The following BBIP1 variants were observed in gnomAD, a reference collection of about 807,000 sequenced individuals.
The protein encoded by BBIP1 is BBSome-interacting protein 1.
Under a neutral mutation model 8.9 loss-of-function variants are expected in BBIP1, and 6 were observed. The observed-to-expected ratio is 0.67, with a 90% CI of 0.37 to 1.33. The LOEUF is 1.33. Ranked by LOEUF, BBIP1 falls within the 40% of genes most tolerant of loss-of-function variation. The probability of loss-of-function intolerance (pLI) is 0.02; values close to 1 mark genes in which losing one functional copy is unlikely to be tolerated. For missense variants in BBIP1, 111 were observed against 109.2 expected, an observed-to-expected ratio of 1.02 and a Z score of -0.07; for synonymous variants, 32 against 33.4, an observed-to-expected ratio of 0.96 and a Z score of 0.14.
chr10:110,909,490 G>A (rs564060113), intron 2 of BBIP1, among the ~76,000 whole-genome samples: 32 of 152,288 alleles, frequency 2.1e-4, no homozygotes, highest in Non-Finnish European at 4.0e-4. Flanking sequence ...CACCGTGCCC[G>A]GCCAGAAAAG....
chr10:110,900,629 A>ACTGAAAAACTCTTGTAC (rs1425975457), intron 3 of BBIP1, 103 bp from the exon 4 acceptor site: 2 of 946,826 alleles, frequency 2.1e-6, no homozygotes, highest in Non-Finnish European at 3.0e-6. Flanking sequence ...ATCTCTTGTC[A>ACTGAAAAACTCTTGTAC]CTGAAAAACT....
intron 2 of BBIP1, among the ~76,000 whole-genome samples, chr10:110,915,594 AC>A (rs2049117976): frequency 6.6e-6 from 1 of 152,224 alleles, no homozygotes; most frequent in Non-Finnish European, 1.5e-5. Context: ...GAAGTTATTA[AC>A]TACCATAAAC....
intron 2 of BBIP1, among the ~76,000 whole-genome samples, chr10:110,917,194 ATTTTTT>A (rs67066048): frequency 4.5e-4 from 49 of 107,978 alleles, no homozygotes; most frequent in Non-Finnish European, 6.6e-4. Context: ...CTGGATCCTG[ATTTTTT>A]TTTTTTTTTT....
At chr10:110,904,368 G>A (rs1424431525) in intron 2 of BBIP1, 2 of 152,168 alleles carry the variant, frequency 1.3e-5, no homozygotes, top group African/African-American at 4.8e-5. Flanking sequence ...CCAGAAGGTG[G>A]TAAGAACTAT....
chr10:110,901,881 T>G (rs1205976521), intron 2 of BBIP1: 3 of 394,392 alleles, frequency 7.6e-6, no homozygotes, highest in Non-Finnish European at 1.4e-5. Flanking sequence ...TTGGTAGAGC[T>G]TCAGTTTTTA....
At chr10:110,905,992 C>T (rs1846124175) in intron 2 of BBIP1, among the ~76,000 whole-genome samples, 1 of 136,948 alleles carries the variant, frequency 7.3e-6, no homozygotes, top group African/African-American at 2.7e-5. Flanking sequence ...TCTAGTGTAA[C>T]GTATTTTCAT....
chr10:110,899,774 A>G lies in BBIP1; in HGVS notation c.*586T>C, dbSNP rs1445472299. The G allele has an allele frequency of 6.7e-6, 1 of 148,550 alleles. No individual in the cohort carries two copies. The highest frequency in any genetic ancestry group is 1.5e-5 in the Non-Finnish European group (1 of 66,986). 9.2% of individuals were successfully genotyped at this position (148,550 alleles called of 1,614,324 possible). A position where few individuals can be genotyped will look rare whatever the true frequency, so the allele number is the denominator to read the frequency against. ...ATGGTGCCATTGCTCTCGTTTGGGCAACAAGAGTGAAACTCTTGTCTCAAA... is the reference window on the plus strand; with the variant it reads ...ATGGTGCCATTGCTCTCGTTTGGGCGACAAGAGTGAAACTCTTGTCTCAAA... On this transcript the variant is annotated 3_prime_UTR_variant, in exon 4 of 4. Transcript: ENST00000448814.
At chr10:110,911,698 G>A (rs531803680) in intron 2 of BBIP1, 10 of 152,066 alleles carry the variant, frequency 6.6e-5, no homozygotes, top group African/African-American at 2.4e-4. Context: ...TTTAAGAAGA[G>A]TTATCTTGTC....
intron 3 of BBIP1, 51 bp downstream of exon 3, chr10:110,901,487 C>A: frequency 7.4e-7 from 1 of 1,342,614 alleles, no homozygotes; most frequent in Non-Finnish European, 1.0e-6. Context: ...CTGCCTATGA[C>A]TTCTTTAGTC....
At chr10:110,914,580 C>A (rs559169209) in intron 2 of BBIP1, among the ~76,000 whole-genome samples, 4 of 152,306 alleles carry the variant, frequency 2.6e-5, no homozygotes, top group Admixed American at 2.6e-4. Flanking sequence ...TAATGTTTAT[C>A]TGGAGATGCC....
Position 110,900,322 on chromosome 10 carries a change from G to C in BBIP1, c.*38C>G. The C allele has an allele frequency of 6.7e-7, 1 of 1,500,474 alleles. No homozygotes were observed. The highest frequency in any genetic ancestry group is 8.9e-7 in the Non-Finnish European group (1 of 1,126,896). The allele number at this position is 1,500,474 out of a possible 1,614,324, so 92.9% of individuals were successfully genotyped here. ...ATTTTCTAGTTATTGTTAAATAGTAGATAAGGCAGGTTGTTCCCTAAAGTG... is the reference window on the plus strand; with the variant it reads ...ATTTTCTAGTTATTGTTAAATAGTACATAAGGCAGGTTGTTCCCTAAAGTG... On this transcript the variant is annotated 3_prime_UTR_variant, in exon 4 of 4. Transcript: ENST00000448814.
chr10:110,900,562 A>C, intron 3 of BBIP1, 36 bp from the exon 4 acceptor site: 2 of 1,463,194 alleles, frequency 1.4e-6, no homozygotes, highest in Non-Finnish European at 9.0e-7. Context: ...AATTCAAGAA[A>C]GATAACCCAG....
At chr10:110,918,573 T>A (rs999652148) in intron 1 of BBIP1, among the ~76,000 whole-genome samples, 1 of 152,238 alleles carries the variant, frequency 6.6e-6, no homozygotes, top group African/African-American at 2.4e-5. Flanking sequence ...AAGAGCTCCG[T>A]TTTGCCGGAG....
rs866047769 is a variant in BBIP1, at chr10:110,907,749, G to A, written c.38-6137C>T. Reference sequence around the variant, plus strand: ...AGGATATGCAAATCCTGGTATAAAGGATGGTGATTGATACAATAACCACGT... The same window carrying A: ...AGGATATGCAAATCCTGGTATAAAGAATGGTGATTGATACAATAACCACGT... On this transcript the variant is annotated intron_variant, in intron 2 of 3. Coordinates refer to ENST00000448814, the MANE Select transcript of BBIP1 (RefSeq NM_001195305.3). 69 of 702,422 alleles carry A rather than the reference G, an allele frequency of 9.8e-5. No individual in the cohort carries two copies. In the Middle Eastern group the frequency reaches 1.4e-3, roughly 14 times the overall value. 43.5% of individuals were successfully genotyped at this position (702,422 alleles called of 1,614,324 possible). A position where few individuals can be genotyped will look rare whatever the true frequency, so the allele number is the denominator to read the frequency against.
chr10:110,901,832 G>C (rs747888844), intron 2 of BBIP1: 440 of 497,606 alleles, frequency 8.8e-4, no homozygotes, highest in Non-Finnish European at 1.4e-3. Flanking sequence ...TTAACTACAA[G>C]GCTAGGTGTT....
intron 2 of BBIP1, among the ~76,000 whole-genome samples, chr10:110,909,553 C>A (rs1202273617): frequency 6.6e-6 from 1 of 152,140 alleles, no homozygotes; most frequent in African/African-American, 2.4e-5. Flanking sequence ...TGCAGGAGAC[C>A]TACAAGTGAA....
rs1183826527 is a variant in BBIP1, at chr10:110,901,540, T to C, written c.110A>G (p.Gln37Arg). 15 of 1,531,794 alleles carry C rather than the reference T, an allele frequency of 9.8e-6. No homozygotes were observed. The highest frequency in any genetic ancestry group is 1.7e-4 in the Middle Eastern group (1 of 5,984). 94.9% of individuals were successfully genotyped at this position (1,531,794 alleles called of 1,614,324 possible). ...CTCAATATTTGTGATGTACATACCT[T>C]GCTTTGGAAGAACTTCCCGGAACAT... ...KSMFREVLPK[Q>R]GPLFVEDIMT... is the part of the protein sequence containing the mutation. Residue 37 changes from glutamine (Q) to arginine (R), a missense_variant and splice_region_variant, in exon 3 of 4, where the codon CAA becomes CGA. Coordinates refer to ENST00000448814, the MANE Select transcript of BBIP1 (RefSeq NM_001195305.3).
chr10:110,904,085 A>C (rs567887516), intron 2 of BBIP1: 1 of 152,334 alleles, frequency 6.6e-6, no homozygotes, highest in African/African-American at 2.4e-5. Context: ...ATTTGCTTAG[A>C]GTAATGCACT....
At chr10:110,913,708 T>C (rs959486205) in intron 2 of BBIP1, among the ~76,000 whole-genome samples, 2 of 152,250 alleles carry the variant, frequency 1.3e-5, no homozygotes, top group African/African-American at 4.8e-5. Context: ...GGTGACTTGT[T>C]GCCTAACCTA....
Sources: gnomAD v4.1 joint callset for allele counts (sites outside exome capture counted in the v4.1 genomes callset) on GRCh38, gnomAD v4.1.1 for gene constraint, MANE v1.5 for transcripts, NCBI Gene and HGNC (gene_info 2026-07-23, HGNC 2026-07-21) for gene names.